MCC: variants seen among roughly 807,000 people sequenced by gnomAD.
MCC encodes the protein colorectal mutant cancer protein.
In MCC, 90 loss-of-function variants were observed where a neutral mutation model predicts 116.2. That is an observed-to-expected ratio of 0.77 (90% CI 0.65 to 0.92). The LOEUF (loss-of-function observed/expected upper bound fraction) is 0.92, where lower values mean the gene tolerates loss of function less well. Among genes scored for constraint, MCC ranks in the 40% least tolerant of loss-of-function variants. The probability of loss-of-function intolerance (pLI) is 0.00; values close to 1 mark genes in which losing one functional copy is unlikely to be tolerated. For synonymous variants in MCC, 578 were observed against 510.5 expected, an observed-to-expected ratio of 1.13 and a Z score of -1.78; for missense variants, 1,516 against 1,312.2, an observed-to-expected ratio of 1.16 and a Z score of -2.40.
chr5:113,028,804 A>T, intron 18 of MCC, 130 bp downstream of exon 18: 1 of 1,104,320 alleles, frequency 9.1e-7, no homozygotes, highest in Non-Finnish European at 1.3e-6. Flanking sequence ...GTAGGGACTC[A>T]CCCACTTTCT....
At chr5:113,062,807 G>A (rs1223926354) in intron 14 of MCC, among the ~76,000 whole-genome samples, 1 of 152,224 alleles carries the variant, frequency 6.6e-6, no homozygotes, top group African/African-American at 2.4e-5. Context: ...GGACACCTGG[G>A]CCAGTAGAGG....
At chr5:113,354,220 C>G (rs1235480476) in intron 2 of MCC, among the ~76,000 whole-genome samples, 1 of 152,146 alleles carries the variant, frequency 6.6e-6, no homozygotes, top group Non-Finnish European at 1.5e-5. Context: ...ATTGAATGCT[C>G]TGTTGCACAA....
At chr5:113,047,422 T>G (rs1356729831) in intron 16 of MCC, among the ~76,000 whole-genome samples, 2 of 152,206 alleles carry the variant, frequency 1.3e-5, no homozygotes, top group African/African-American at 4.8e-5. Flanking sequence ...CACAGCTGTG[T>G]CTTGTCTTGG....
intron 15 of MCC, among the ~76,000 whole-genome samples, chr5:113,050,780 A>G (rs78491116): frequency 0.029 from 4,417 of 152,324 alleles, 235 homozygotes; most frequent in African/African-American, 0.1. Flanking sequence ...GAACTCTGCC[A>G]GAGAGAACGG....
At chr5:113,211,811 C>A (rs1357994495) in intron 3 of MCC, among the ~76,000 whole-genome samples, 5 of 152,142 alleles carry the variant, frequency 3.3e-5, no homozygotes, top group Non-Finnish European at 7.3e-5. Flanking sequence ...TTTTAGCACA[C>A]TTGAATGAAG....
chr5:113,094,069 G>A (rs1344455076), intron 8 of MCC, among the ~76,000 whole-genome samples: 1 of 146,312 alleles, frequency 6.8e-6, no homozygotes, highest in African/African-American at 2.5e-5. Context: ...TCGAAGTCCA[G>A]GGTTTGTAGA....
At chr5:113,149,641 T>C (rs939490839) in intron 4 of MCC, among the ~76,000 whole-genome samples, 1 of 152,138 alleles carries the variant, frequency 6.6e-6, no homozygotes, top group African/African-American at 2.4e-5. Context: ...CCATAGGTCA[T>C]TCTGGAAAGA....
chr5:113,287,203 C>CT (rs1397303253), intron 3 of MCC, among the ~76,000 whole-genome samples: 1 of 151,910 alleles, frequency 6.6e-6, no homozygotes, highest in East Asian at 1.9e-4. Flanking sequence ...TCTTCTTTGG[C>CT]TTGTCTGATT....
intron 2 of MCC, among the ~76,000 whole-genome samples, chr5:113,361,259 A>T (rs11241205): frequency 0.062 from 3,115 of 49,884 alleles, 340 homozygotes; most frequent in Admixed American, 0.3. Context: ...ATAAATCTTT[A>T]AAAAAAAAAC....
At chr5:113,197,331 GA>G (rs1762462418) in intron 3 of MCC, among the ~76,000 whole-genome samples, 1 of 152,160 alleles carries the variant, frequency 6.6e-6, no homozygotes, top group South Asian at 2.1e-4. Flanking sequence ...TGGGCTAGGG[GA>G]GAGGATAGGT....
At chr5:113,398,175 C>CA (rs1026311636) in intron 1 of MCC, among the ~76,000 whole-genome samples, 2 of 152,098 alleles carry the variant, frequency 1.3e-5, no homozygotes, top group African/African-American at 4.8e-5. Context: ...GTTAAAACGT[C>CA]AAAAAATAAC....
chr5:113,141,783 ACATT>A (rs1439917566), intron 5 of MCC, among the ~76,000 whole-genome samples: 34 of 152,374 alleles, frequency 2.2e-4, no homozygotes, highest in Admixed American at 2.2e-3. Flanking sequence ...TTTGGTCATT[ACATT>A]CAATTTAAAC....
intron 1 of MCC, chr5:113,433,925 G>C: frequency 5.6e-6 from 9 of 1,614,018 alleles, no homozygotes; most frequent in Non-Finnish European, 7.6e-6. Context: ...CAGACTTCTT[G>C]TCAGAGCCAG....
In MCC at chr5:113,025,110, A is replaced by C. The variant is rs1750442258; in HGVS notation, c.*2192T>G. The C allele has an allele frequency of 6.6e-6, 1 of 152,118 alleles. No homozygotes were observed. The highest frequency in any genetic ancestry group is 2.1e-4 in the South Asian group (1 of 4,824). 9.4% of individuals were successfully genotyped at this position (152,118 alleles called of 1,614,324 possible). On this transcript the variant is annotated 3_prime_UTR_variant, in exon 19 of 19. Coordinates refer to ENST00000408903, the MANE Select transcript of MCC (RefSeq NM_001085377.2). ...GCAGGATTTTATTCCTGCTTCAGCC[A>C]CATGTTTCTGTGTCAGTGAAAATGA...
intron 1 of MCC, among the ~76,000 whole-genome samples, chr5:113,421,010 G>A (rs922052660): frequency 2.6e-5 from 4 of 151,028 alleles, no homozygotes; most frequent in East Asian, 1.9e-4. Flanking sequence ...TGGAAATTCC[G>A]CAAAAGAATT....
intron 3 of MCC, among the ~76,000 whole-genome samples, chr5:113,171,939 C>A (rs547592435): frequency 6.6e-6 from 1 of 152,266 alleles, no homozygotes; most frequent in East Asian, 1.9e-4. Flanking sequence ...TCTTAGCAAA[C>A]CATCAGTGCC....
At chr5:113,430,360 A>G (rs1770597466) in intron 1 of MCC, among the ~76,000 whole-genome samples, 1 of 152,234 alleles carries the variant, frequency 6.6e-6, no homozygotes, top group African/African-American at 2.4e-5. Context: ...CTATGTAGAT[A>G]GTTGGCCTCC....
chr5:113,398,157 T>C (rs1769582084), intron 1 of MCC, among the ~76,000 whole-genome samples: 1 of 152,188 alleles, frequency 6.6e-6, no homozygotes, highest in Non-Finnish European at 1.5e-5. Context: ...CTAGTCAGAA[T>C]GGTTATTGTT....
chr5:113,077,011 T>A (rs551691310), intron 11 of MCC, among the ~76,000 whole-genome samples: 46 of 152,168 alleles, frequency 3.0e-4, no homozygotes, highest in African/African-American at 9.9e-4. Flanking sequence ...GCAATCCTAG[T>A]CTCTGATAAA....
Sources: gnomAD v4.1 joint callset for allele counts (sites outside exome capture counted in the v4.1 genomes callset) on GRCh38, gnomAD v4.1.1 for gene constraint, MANE v1.5 for transcripts, NCBI Gene and HGNC (gene_info 2026-07-23, HGNC 2026-07-21) for gene names.